DNAH9: variants seen among roughly 807,000 people sequenced by gnomAD.
The protein encoded by DNAH9 is DNAH9 variant protein.
A neutral mutation model predicts 471.6 loss-of-function variants in DNAH9; 345 were observed. That is an observed-to-expected ratio of 0.73 (90% confidence interval 0.67 to 0.80). The LOEUF (loss-of-function observed/expected upper bound fraction) is 0.80. DNAH9 is among the 30% of genes least tolerant of loss of function. DNAH9 has a pLI of 0.00. For missense variants in DNAH9, 5,407 were observed against 5,609.2 expected, an observed-to-expected ratio of 0.96 and a Z score of 1.15; for synonymous variants, 2,093 against 2,123.6, an observed-to-expected ratio of 0.99 and a Z score of 0.40.
rs73290867 is a variant in DNAH9, at chr17:11,694,057, C to T, written c.4745+59C>T. 6.2e-5 allele frequency: 99 copies of T among 1,589,060 alleles called. No individual in the cohort carries two copies. In the East Asian group the frequency reaches 9.2e-4, roughly 15 times the overall value. On this transcript the variant is annotated intron_variant, in intron 21 of 68. Transcript: ENST00000262442. Reference sequence around the variant, plus strand: ...GAAGGCATCATTTCCTTTTCCCCATCGTCTCTGAGACCAGTGGGCAGAAGT... The same window carrying T: ...GAAGGCATCATTTCCTTTTCCCCATTGTCTCTGAGACCAGTGGGCAGAAGT...
At chr17:11,901,756 A>G (rs1156315335) in intron 59 of DNAH9, among the ~76,000 whole-genome samples, 1 of 152,160 alleles carries the variant, frequency 6.6e-6, no homozygotes, top group Non-Finnish European at 1.5e-5. Context: ...TAAAATATAT[A>G]TCTGTCACAA....
At chr17:11,924,248 G>A (rs1050661842) in intron 62 of DNAH9, among the ~76,000 whole-genome samples, 3 of 152,140 alleles carry the variant, frequency 2.0e-5, no homozygotes, top group African/African-American at 7.2e-5. Flanking sequence ...TACGTTGAAG[G>A]CCCTGGCAGC....
chr17:11,905,917 C>T lies in DNAH9; in HGVS notation c.11749+108C>T, dbSNP rs1973582257. The T allele has an allele frequency of 3.0e-6, 4 of 1,339,910 alleles. No homozygotes were observed. In the Admixed American group the frequency reaches 8.7e-5, roughly 29 times the overall value. 83.0% of individuals were successfully genotyped at this position (1,339,910 alleles called of 1,614,324 possible). ...GGATTCAAGCTTCAAATATGCAACA[C>T]TGCAAATCATACAGAAGTCAGGGTC... On this transcript the variant is annotated intron_variant, in intron 61 of 68. Transcript: ENST00000262442.
At chr17:11,703,626 C>T (rs2074642979) in intron 24 of DNAH9, among the ~76,000 whole-genome samples, 1 of 152,160 alleles carries the variant, frequency 6.6e-6, no homozygotes, top group Non-Finnish European at 1.5e-5. Context: ...TATTTTTAAT[C>T]TCTGAAAATG....
intron 61 of DNAH9, among the ~76,000 whole-genome samples, chr17:11,912,608 T>C (rs796433384): frequency 3.3e-5 from 5 of 152,270 alleles, no homozygotes; most frequent in African/African-American, 1.2e-4. Flanking sequence ...GTATATTATA[T>C]TATTGATTTT....
intron 38 of DNAH9, among the ~76,000 whole-genome samples, chr17:11,771,795 TA>T (rs756742831): frequency 1.3e-5 from 2 of 152,194 alleles, no homozygotes; most frequent in Non-Finnish European, 2.9e-5. Flanking sequence ...CTACTAATAA[TA>T]ATAATAATAG....
At chr17:11,656,573 C>G (rs2073655099) in intron 14 of DNAH9, among the ~76,000 whole-genome samples, 1 of 152,140 alleles carries the variant, frequency 6.6e-6, no homozygotes, top group African/African-American at 2.4e-5. Context: ...TATTTGGGTA[C>G]AGTTGGTTAT....
At chr17:11,822,376 T>A (rs1397987777) in intron 46 of DNAH9, 62 bp from the exon 47 acceptor site, 2 of 1,587,572 alleles carry the variant, frequency 1.3e-6, no homozygotes, top group Non-Finnish European at 1.7e-6. Context: ...AGGCCATATC[T>A]GCCTCTCCGT....
intron 2 of DNAH9, 111 bp downstream of exon 2, chr17:11,608,436 T>C: frequency 3.6e-6 from 3 of 838,862 alleles, no homozygotes; most frequent in East Asian, 2.5e-5. Context: ...CTCCTCGTTC[T>C]GCACACAAGC....
intron 30 of DNAH9, among the ~76,000 whole-genome samples, chr17:11,742,848 A>T (rs547217539): frequency 6.6e-6 from 1 of 152,320 alleles, no homozygotes; most frequent in Non-Finnish European, 1.5e-5. Flanking sequence ...GGCTGTCCCC[A>T]ATGAGCTTTG....
chr17:11,914,305 T>C (rs948689774), intron 61 of DNAH9, among the ~76,000 whole-genome samples: 9 of 152,186 alleles, frequency 5.9e-5, no homozygotes, highest in Non-Finnish European at 1.2e-4. Context: ...TTTTTATTCG[T>C]TCTCTATATT....
intron 58 of DNAH9, 49 bp from the exon 59 acceptor site, chr17:11,894,325 A>T (rs1286195346): frequency 1.9e-6 from 3 of 1,603,568 alleles, no homozygotes; most frequent in Non-Finnish European, 1.7e-6. Flanking sequence ...GATTTCTAGG[A>T]CTCTGGCTAC....
chr17:11,614,028 C>G (rs369920934), intron 4 of DNAH9, among the ~76,000 whole-genome samples: 1 of 151,906 alleles, frequency 6.6e-6, no homozygotes, highest in Admixed American at 6.6e-5. Context: ...AAAAAAGATA[C>G]CATTACAATA....
intron 24 of DNAH9, among the ~76,000 whole-genome samples, chr17:11,702,058 C>T (rs1186205286): frequency 6.6e-6 from 1 of 152,174 alleles, no homozygotes. Flanking sequence ...GGGGACACGC[C>T]CCTGAGCATA....
At chr17:11,947,457 G>T (rs1975169538) in intron 67 of DNAH9, among the ~76,000 whole-genome samples, 1 of 152,110 alleles carries the variant, frequency 6.6e-6, no homozygotes, top group African/African-American at 2.4e-5. Flanking sequence ...GCCTTGAAAT[G>T]GAATAGTCCA....
At chr17:11,635,354 T>TGTA (rs770148762) in intron 8 of DNAH9, among the ~76,000 whole-genome samples, 100 of 126,660 alleles carry the variant, frequency 7.9e-4, no homozygotes, top group South Asian at 1.3e-3. Flanking sequence ...TTTTTTTTTT[T>TGTA]TTTTTTTAGT....
At chr17:11,605,343 T>C (rs1212056898) in intron 1 of DNAH9, among the ~76,000 whole-genome samples, 1 of 152,192 alleles carries the variant, frequency 6.6e-6, no homozygotes, top group Non-Finnish European at 1.5e-5. Context: ...TCCCTTAGAA[T>C]ATAAGCTTCA....
chr17:11,813,842 A>G (rs1597684461), intron 45 of DNAH9, among the ~76,000 whole-genome samples: 2 of 152,374 alleles, frequency 1.3e-5, no homozygotes, highest in Admixed American at 1.3e-4. Context: ...CAGATGGATT[A>G]TAGATGGACA....
chr17:11,598,581 T>TGG lies in DNAH9; in HGVS notation c.86_87dup (p.Thr30GlyfsTer6). ...GGCGCCGACCGACGACTGCGACTCC[T>TGG]GGGGACCTACGTGGCCATGAGCCTG... On this transcript the variant is annotated frameshift_variant, in exon 1 of 69. Transcript: ENST00000262442. LOFTEE classifies it high-confidence loss of function. The TGG allele has an allele frequency of 6.0e-6, 8 of 1,336,366 alleles. No individual in the cohort carries two copies. Among genetic ancestry groups the TGG allele is most frequent in the Non-Finnish European group, 7.7e-6 (8 of 1,032,380 alleles). The allele number at this position is 1,336,366 out of a possible 1,614,324, so 82.8% of individuals were successfully genotyped here.
Sources: gnomAD v4.1 joint callset for allele counts (sites outside exome capture counted in the v4.1 genomes callset) on GRCh38, gnomAD v4.1.1 for gene constraint, MANE v1.5 for transcripts, NCBI Gene and HGNC (gene_info 2026-07-23, HGNC 2026-07-21) for gene names.